Variants in ADCY2 observed in about 807,000 individuals in gnomAD.
ADCY2 encodes adenylate cyclase type 2.
A neutral mutation model predicts 125.2 loss-of-function variants in ADCY2; 31 were observed. The ratio of observed to expected loss-of-function variants is 0.25; its 90% CI spans 0.19 to 0.33. The LOEUF (loss-of-function observed/expected upper bound fraction) is 0.33. Ranked by LOEUF, ADCY2 falls within the 10% of genes least tolerant of loss-of-function variation. The pLI is 1.00. For synonymous variants in ADCY2, 512 were observed against 548.4 expected, an observed-to-expected ratio of 0.93 and a Z score of 0.93; for missense variants, 904 against 1,418.2, an observed-to-expected ratio of 0.64 and a Z score of 5.82.
At chr5:7,494,806 C>A (rs1743289345) in intron 2 of ADCY2, among the ~76,000 whole-genome samples, 1 of 152,134 alleles carries the variant, frequency 6.6e-6, no homozygotes, top group Non-Finnish European at 1.5e-5. Flanking sequence ...GTGTTAAGAA[C>A]AAGAAAAAGA....
intron 4 of ADCY2, among the ~76,000 whole-genome samples, chr5:7,683,277 G>T (rs1740401057): frequency 6.6e-6 from 1 of 152,216 alleles, no homozygotes; most frequent in Admixed American, 6.5e-5. Flanking sequence ...CCACGTGAGT[G>T]AATGAGTGAC....
intron 1 of ADCY2, among the ~76,000 whole-genome samples, chr5:7,400,371 A>G (rs1449516241): frequency 6.6e-6 from 1 of 152,230 alleles, no homozygotes; most frequent in Non-Finnish European, 1.5e-5. Flanking sequence ...ATTTAAAACA[A>G]TAACCAGAGG....
intron 4 of ADCY2, among the ~76,000 whole-genome samples, chr5:7,655,187 C>T (rs374853589): frequency 7.2e-5 from 11 of 152,296 alleles, no homozygotes; most frequent in African/African-American, 1.9e-4. Context: ...AGGGGCGCTA[C>T]GTTCATGGCA....
chr5:7,743,417 C>A (rs1033480438), intron 14 of ADCY2, among the ~76,000 whole-genome samples: 3 of 151,316 alleles, frequency 2.0e-5, no homozygotes, highest in Non-Finnish European at 4.4e-5. Flanking sequence ...GATTCTTTAT[C>A]CTTCATAAAG....
At chr5:7,398,682 T>C (rs1739148579) in intron 1 of ADCY2, among the ~76,000 whole-genome samples, 1 of 152,182 alleles carries the variant, frequency 6.6e-6, no homozygotes, top group African/African-American at 2.4e-5. Flanking sequence ...TGTGCAGAAA[T>C]GTTCCAGAAT....
chr5:7,583,469 C>G (rs1736502055), intron 3 of ADCY2, among the ~76,000 whole-genome samples: 1 of 151,938 alleles, frequency 6.6e-6, no homozygotes, highest in Admixed American at 6.6e-5. Context: ...GCATAAGGAT[C>G]CACCAATAGA....
chr5:7,648,399 G>C (rs75815548), intron 4 of ADCY2, among the ~76,000 whole-genome samples: 1,734 of 152,168 alleles, frequency 0.011, 37 homozygotes, highest in African/African-American at 0.037. Context: ...TGCATTTACG[G>C]GGAAGAATAC....
At chr5:7,574,569 C>T (rs542898853) in intron 3 of ADCY2, among the ~76,000 whole-genome samples, 6 of 152,250 alleles carry the variant, frequency 3.9e-5, no homozygotes, top group Admixed American at 2.6e-4. Flanking sequence ...ATCTTCTTTA[C>T]AATGTTTAAA....
At chr5:7,591,366 A>T (rs1214227089) in intron 3 of ADCY2, among the ~76,000 whole-genome samples, 5 of 152,194 alleles carry the variant, frequency 3.3e-5, no homozygotes, top group Admixed American at 3.3e-4. Flanking sequence ...GAAAGTAATG[A>T]TCACATTTAT....
At chr5:7,495,847 C>T (rs1317367377) in intron 2 of ADCY2, among the ~76,000 whole-genome samples, 1 of 152,106 alleles carries the variant, frequency 6.6e-6, no homozygotes, top group Non-Finnish European at 1.5e-5. Context: ...ATTATTTAGC[C>T]AGTCAGTGGA....
intron 17 of ADCY2, among the ~76,000 whole-genome samples, chr5:7,767,127 G>T (rs1232105960): frequency 6.6e-6 from 1 of 152,088 alleles, no homozygotes; most frequent in Non-Finnish European, 1.5e-5. Context: ...ATGTTTCTGG[G>T]TTTCTTACTT....
intron 6 of ADCY2, among the ~76,000 whole-genome samples, chr5:7,697,421 A>T (rs185396170): frequency 6.6e-6 from 1 of 152,258 alleles, no homozygotes; most frequent in Admixed American, 6.5e-5. Context: ...ATTGTCAGCA[A>T]ACAGATACCC....
intron 20 of ADCY2, chr5:7,796,297 C>T (rs1365733515): frequency 6.6e-6 from 1 of 152,174 alleles, no homozygotes; most frequent in East Asian, 1.9e-4. Context: ...TGTGGCACAA[C>T]CTGTGGTTGC....
chr5:7,589,265 A>G (rs528477139), intron 3 of ADCY2, among the ~76,000 whole-genome samples: 208 of 152,072 alleles, frequency 1.4e-3, no homozygotes, highest in African/African-American at 4.9e-3. Flanking sequence ...GGGAAAACAG[A>G]TGAAAAACAT....
intron 4 of ADCY2, among the ~76,000 whole-genome samples, chr5:7,646,601 A>G (rs1738907626): frequency 6.6e-6 from 1 of 152,064 alleles, no homozygotes; most frequent in African/African-American, 2.4e-5. Context: ...AGCCTTCACT[A>G]TTTTCTTCCG....
At chr5:7,805,287 C>T (rs973895910) in intron 22 of ADCY2, among the ~76,000 whole-genome samples, 1 of 152,068 alleles carries the variant, frequency 6.6e-6, no homozygotes, top group Non-Finnish European at 1.5e-5. Context: ...CACCACTGCA[C>T]TCCAGCCCGT....
At chr5:7,451,490 G>A (rs1263277966) in intron 2 of ADCY2, among the ~76,000 whole-genome samples, 1 of 152,232 alleles carries the variant, frequency 6.6e-6, no homozygotes, top group Non-Finnish European at 1.5e-5. Context: ...TCTTATGGAT[G>A]AGCAAAGTAG....
chr5:7,434,231 T>C (rs1180245051), intron 2 of ADCY2, among the ~76,000 whole-genome samples: 1 of 152,216 alleles, frequency 6.6e-6, no homozygotes, highest in Non-Finnish European at 1.5e-5. Flanking sequence ...CGTGTCAGCA[T>C]TGTCTATTAT....
chr5:7,685,491 T>C lies in ADCY2; in HGVS notation c.721-5200T>C, dbSNP rs1017138230. On this transcript the variant is annotated intron_variant, in intron 4 of 24. Transcript: ENST00000338316. The stretch of plus-strand genomic sequence containing the variant: ...ATTTCTACTGCGATGCCTTCTATTC[T>C]CCATCCCATGTGAATATGATGACCA... 2.6e-5 allele frequency among the ~76,000 whole-genome samples: 4 copies of C among 152,220 alleles called. No individual in the cohort carries two copies. In the South Asian group the frequency reaches 8.3e-4, roughly 32 times the overall value.
Sources: gnomAD v4.1 joint callset for allele counts (sites outside exome capture counted in the v4.1 genomes callset) on GRCh38, gnomAD v4.1.1 for gene constraint, MANE v1.5 for transcripts, NCBI Gene and HGNC (gene_info 2026-07-23, HGNC 2026-07-21) for gene names.